The following NLRC5 variants were observed in gnomAD, a reference collection of about 807,000 sequenced individuals.
NLRC5 encodes protein NLRC5.
A neutral mutation model predicts 206.9 loss-of-function variants in NLRC5; 114 were observed. The ratio of observed to expected loss-of-function variants is 0.55; its 90% CI spans 0.47 to 0.64. The LOEUF (loss-of-function observed/expected upper bound fraction) is 0.64. Among genes scored for constraint, NLRC5 ranks in the 30% least tolerant of loss-of-function variants. NLRC5 has a pLI of 0.00. For missense variants in NLRC5, 2,008 were observed against 2,305.5 expected, an observed-to-expected ratio of 0.87 and a Z score of 2.64; for synonymous variants, 952 against 962.8, an observed-to-expected ratio of 0.99 and a Z score of 0.21.
intron 40 of NLRC5, 141 bp downstream of exon 40, chr16:57,077,043 C>T: frequency 2.5e-6 from 2 of 796,366 alleles, no homozygotes; most frequent in Non-Finnish European, 4.2e-6. Flanking sequence ...CAACCTGGGG[C>T]CTAGAAGCTT....
chr16:57,033,827 G>T (rs2062169351), intron 12 of NLRC5, among the ~76,000 whole-genome samples, 158 bp downstream of exon 12: 1 of 152,184 alleles, frequency 6.6e-6, no homozygotes, highest in Non-Finnish European at 1.5e-5. Flanking sequence ...GCCCATCCTG[G>T]CTTGAATAAG....
At chr16:57,013,306 C>A in intron 1 of NLRC5, 1 of 625,424 alleles carries the variant, frequency 1.6e-6, no homozygotes, top group Non-Finnish European at 3.0e-6. Flanking sequence ...CATTTCTAAG[C>A]TGACGGTCAT....
At chr16:57,030,196 C>T (rs2061646087) in intron 10 of NLRC5, 112 bp downstream of exon 10, 1 of 847,202 alleles carries the variant, frequency 1.2e-6, no homozygotes, top group East Asian at 2.6e-5. Flanking sequence ...TGTGCATACC[C>T]TACTGTTTTA....
chr16:57,057,761 C>T (rs774150437), intron 27 of NLRC5, among the ~76,000 whole-genome samples: 10 of 151,986 alleles, frequency 6.6e-5, no homozygotes, highest in Non-Finnish European at 1.2e-4. Context: ...TAGCAGAGAA[C>T]GTAGGAGTTG....
chr16:57,053,616 C>T (rs1195510695), intron 24 of NLRC5, among the ~76,000 whole-genome samples: 4 of 152,182 alleles, frequency 2.6e-5, no homozygotes, highest in African/African-American at 9.7e-5. Flanking sequence ...GCAACCTCCG[C>T]CTCCCAGGTT....
intron 27 of NLRC5, among the ~76,000 whole-genome samples, chr16:57,057,641 T>G (rs1195386120): frequency 2.0e-5 from 3 of 152,038 alleles, no homozygotes; most frequent in Non-Finnish European, 4.4e-5. Context: ...GGCAAATTGG[T>G]TTTTCTTTAA....
chr16:57,034,331 G>T, intron 13 of NLRC5, 80 bp downstream of exon 13: 4 of 963,128 alleles, frequency 4.2e-6, no homozygotes, highest in Non-Finnish European at 4.9e-6. Flanking sequence ...CTTTGGGTGG[G>T]TGGTGTGGGG....
At chr16:57,067,549 T>C (rs2067202180) in intron 35 of NLRC5, 79 bp downstream of exon 35, 1 of 1,449,902 alleles carries the variant, frequency 6.9e-7, no homozygotes, top group Non-Finnish European at 9.7e-7. Flanking sequence ...TGTGTGACCC[T>C]GGCATTCTCA....
At chr16:57,048,737 T>A (rs2064368242) in intron 23 of NLRC5, among the ~76,000 whole-genome samples, 1 of 152,204 alleles carries the variant, frequency 6.6e-6, no homozygotes. Flanking sequence ...TTTCACCATG[T>A]TGGCCAGGCT....
intron 1 of NLRC5, among the ~76,000 whole-genome samples, chr16:56,994,514 A>C (rs2057363623): frequency 6.6e-6 from 1 of 152,236 alleles, no homozygotes; most frequent in Non-Finnish European, 1.5e-5. Context: ...GAAACAGACA[A>C]ACAAGTAAAC....
chr16:57,021,216 ACTCGAATTG>A (rs1248060174), intron 3 of NLRC5: 5 of 525,988 alleles, frequency 9.5e-6, no homozygotes, highest in African/African-American at 7.7e-5. Flanking sequence ...ACCTGGCTTC[ACTCGAATTG>A]CTCGAATTGC....
chr16:57,068,607 G>A (rs1310328701), intron 36 of NLRC5, among the ~76,000 whole-genome samples: 2 of 151,930 alleles, frequency 1.3e-5, no homozygotes, highest in African/African-American at 2.4e-5. Flanking sequence ...ACATTTCAGC[G>A]AATTTGCTAG....
intron 30 of NLRC5, 118 bp downstream of exon 30, chr16:57,059,650 G>T: frequency 1.1e-6 from 1 of 950,970 alleles, no homozygotes; most frequent in Non-Finnish European, 1.5e-6. Context: ...GCAGCTTCAA[G>T]CTCACTGCCT....
chr16:57,033,080 C>T (rs763370163), intron 11 of NLRC5, among the ~76,000 whole-genome samples: 3 of 152,106 alleles, frequency 2.0e-5, no homozygotes, highest in Non-Finnish European at 4.4e-5. Context: ...CATCCCCTAA[C>T]GCTCCCTCAG....
intron 1 of NLRC5, among the ~76,000 whole-genome samples, chr16:57,003,146 G>A (rs993777344): frequency 7.2e-5 from 11 of 152,046 alleles, no homozygotes; most frequent in East Asian, 1.9e-4. Flanking sequence ...TGCCGCCTCC[G>A]TCTCTTGGGT....
chr16:57,019,636 T>G (rs1025970894), intron 2 of NLRC5, among the ~76,000 whole-genome samples: 7 of 152,128 alleles, frequency 4.6e-5, no homozygotes, highest in Non-Finnish European at 1.0e-4. Context: ...CATGATTCAA[T>G]ATGGCTGCCC....
intron 38 of NLRC5, among the ~76,000 whole-genome samples, chr16:57,073,742 T>C (rs1389023550): frequency 1.3e-5 from 2 of 152,158 alleles, no homozygotes; most frequent in African/African-American, 4.8e-5. Flanking sequence ...TACAGGCACA[T>C]GCCACCAGGC....
chr16:57,077,986 G>T lies in NLRC5; in HGVS notation c.5047G>T (p.Ala1683Ser). The T allele has an allele frequency of 6.2e-7, 1 of 1,611,036 alleles. No individual in the cohort carries two copies. The highest frequency in any genetic ancestry group is 8.5e-7 in the Non-Finnish European group (1 of 1,178,232). Residue 1683 changes from alanine (A) to serine (S), a missense_variant, in exon 43 of 49, where the codon GCT becomes TCT. Ala to Ser is a moderately conservative substitution (Grantham distance 99). Coordinates refer to ENST00000688547, the MANE Select transcript of NLRC5 (RefSeq NM_001384950.1). The part of the protein sequence containing the change: ...ALGDPTALGL[A>S]QELPQHLRVL... ...GGGGGATCCCACAGCCCTGGGGCTG[G>T]CTCAGGAGCTGCCCCAGCACCTGAG...
At chr16:57,043,472 G>A in intron 19 of NLRC5, 43 bp from the exon 20 acceptor site, 1 of 1,337,864 alleles carries the variant, frequency 7.5e-7, no homozygotes, top group South Asian at 1.2e-5. Context: ...GGATGTGTTT[G>A]GGTCCTGAGT....
Sources: allele counts gnomAD v4.1 joint callset (sites outside exome capture counted in the v4.1 genomes callset), GRCh38; gene constraint gnomAD v4.1.1; transcripts MANE v1.5; gene names NCBI Gene and HGNC (gene_info 2026-07-23, HGNC 2026-07-21).